The following XXYLT1 variants were observed in gnomAD, a reference collection of about 807,000 sequenced individuals.
The protein encoded by XXYLT1 is xyloside xylosyltransferase 1.
XXYLT1 carries 20 observed loss-of-function variants against 28.9 expected under a neutral mutation model. That is an observed-to-expected ratio of 0.69 (90% CI 0.49 to 1.00). The LOEUF is 1.00. Ranked by LOEUF, XXYLT1 falls within the 50% of genes least tolerant of loss-of-function variation. XXYLT1 has a pLI of 0.00. For missense variants in XXYLT1, 542 were observed against 560.1 expected (o/e 0.97, Z 0.33); for synonymous variants, 257 against 253.8 (o/e 1.01, Z -0.12).
rs1225741481 is a variant in XXYLT1, at chr3:195,124,610, G to C, written c.785+31839C>G. ...GCACAGTGTCTGGTAAGCAGGCAGT[G>C]CTCAGGAAATATTTGCTGACAGACT... On this transcript the variant is annotated intron_variant, in intron 3 of 3. Transcript: ENST00000310380. This position sits in a 1 kb window ranked among gnomAD's most constrained non-coding sequence, Gnocchi z 4.1. 6.6e-6 allele frequency among the ~76,000 whole-genome samples: 1 copy of C among 152,224 alleles called. No homozygotes were observed. Among genetic ancestry groups the C allele is most frequent in the Non-Finnish European group, 1.5e-5 (1 of 68,026 alleles).
At chr3:195,159,597 T>C (rs1055171218) in intron 2 of XXYLT1, among the ~76,000 whole-genome samples, 17 of 152,104 alleles carry the variant, frequency 1.1e-4, no homozygotes, top group Non-Finnish European at 2.5e-4. Flanking sequence ...GACAAGTGAG[T>C]ACAAGCTAAA....
intron 3 of XXYLT1, among the ~76,000 whole-genome samples, chr3:195,126,057 G>A (rs79231102): frequency 0.039 from 6,014 of 152,294 alleles, 187 homozygotes; most frequent in East Asian, 0.15. Context: ...AGTGACCTAC[G>A]CCCAAATCAC....
intron 2 of XXYLT1, among the ~76,000 whole-genome samples, chr3:195,158,692 G>A (rs1720724329): frequency 6.6e-6 from 1 of 152,246 alleles, no homozygotes; most frequent in Non-Finnish European, 1.5e-5. Context: ...TGAGATGGGA[G>A]GCCACTCCTT....
At chr3:195,200,592 A>G (rs1722810553) in intron 2 of XXYLT1, among the ~76,000 whole-genome samples, 1 of 152,168 alleles carries the variant, frequency 6.6e-6, no homozygotes, top group Non-Finnish European at 1.5e-5. Flanking sequence ...ACCAGGGTTC[A>G]CTGACCTACA....
intron 3 of XXYLT1, among the ~76,000 whole-genome samples, chr3:195,137,271 T>C (rs1719248697): frequency 6.6e-6 from 1 of 152,222 alleles, no homozygotes; most frequent in African/African-American, 2.4e-5. Context: ...TTTGAGATGC[T>C]TTAATAATGG....
Position 195,226,722 on chromosome 3 carries a change from C to A in XXYLT1, c.639G>T (p.Gln213His). Residue 213 changes from glutamine (Q) to histidine (H), a missense_variant, in exon 2 of 4, where the codon CAG becomes CAT. Gln to His is a conservative substitution (Grantham distance 24, BLOSUM62 0). Transcript: ENST00000310380. ...SIFFLSVAMH[Q>H]IMPKEILQII... ...AGCCCAGGTTACCTTTGGGCATGAT[C>A]TGATGCATGGCGACCGAGAGGAAGA... The A allele has an allele frequency of 6.2e-7, 1 of 1,613,284 alleles. No homozygotes were observed.
intron 3 of XXYLT1, among the ~76,000 whole-genome samples, chr3:195,105,804 C>T (rs2108682998): frequency 6.6e-6 from 1 of 152,324 alleles, no homozygotes; most frequent in African/African-American, 2.4e-5. Context: ...TGTGAGGAAA[C>T]CATGGTATTA....
rs192523404 is a variant in XXYLT1, at chr3:195,151,173, G to A, written c.785+5276C>T. On this transcript the variant is annotated intron_variant, in intron 3 of 3. Transcript: ENST00000310380. ...TAGGAGAGCCAGATCACCTGCTGCT[G>A]CTAAAAAGGGAAGTTTTACAATCGT... 3.5e-4 allele frequency among the ~76,000 whole-genome samples: 53 copies of A among 152,226 alleles called. 1 individual carries two copies. Among genetic ancestry groups the A allele is most frequent in the Admixed American group, 3.2e-3 (49 of 15,294 alleles).
intron 2 of XXYLT1, among the ~76,000 whole-genome samples, chr3:195,206,118 G>C (rs533100454): frequency 6.8e-6 from 1 of 147,680 alleles, no homozygotes; most frequent in East Asian, 2.0e-4. Flanking sequence ...TCTGCCTCCC[G>C]GGTTCACACC....
chr3:195,229,243 ATTT>A (rs963177978), intron 1 of XXYLT1, among the ~76,000 whole-genome samples: 6 of 151,830 alleles, frequency 4.0e-5, no homozygotes, highest in Non-Finnish European at 8.8e-5. Flanking sequence ...CTTTGTTACT[ATTT>A]TTTTATTTTT....
At chr3:195,152,723 T>C (rs1720345061) in intron 3 of XXYLT1, 1 of 152,172 alleles carries the variant, frequency 6.6e-6, no homozygotes, top group South Asian at 2.1e-4. Context: ...GCCATAAAAA[T>C]GACTTAAAAT....
intron 3 of XXYLT1, among the ~76,000 whole-genome samples, chr3:195,074,793 G>A (rs1223491827): frequency 6.6e-6 from 1 of 152,228 alleles, no homozygotes. Context: ...TCAAACTGGA[G>A]AAGACATGGA....
In XXYLT1 at chr3:195,232,997, T is replaced by C. The variant is rs561478570; in HGVS notation, c.505-6141A>G. 2.6e-5 allele frequency among the ~76,000 whole-genome samples: 4 copies of C among 152,338 alleles called. No individual in the cohort carries two copies. In the South Asian group the frequency reaches 8.3e-4, roughly 32 times the overall value. ...GGGGTGTTGAGGTCTCCAGCTATCA[T>C]TGTATTGGGGTCTATCTCCATCTTT... On this transcript the variant is annotated intron_variant, in intron 1 of 3. Transcript: ENST00000310380.
chr3:195,240,101 G>T lies in XXYLT1; in HGVS notation c.505-13245C>A, dbSNP rs963352133. On this transcript the variant is annotated intron_variant, in intron 1 of 3. Transcript: ENST00000310380. The surrounding 1 kb of genome is among the most constrained non-coding windows in gnomAD (Gnocchi z 4.7). ...AGTAATGACTGAGCTTTCTTTTCAG[G>T]CAAAGGTGTCCTCAAACAGTACTTT... Among the ~76,000 whole-genome samples the T allele has an allele frequency of 1.3e-5, 2 of 152,126 alleles. No homozygotes were observed. The highest frequency in any genetic ancestry group is 2.4e-5 in the African/African-American group (1 of 41,412).
chr3:195,233,826 A>G (rs1185267318), intron 1 of XXYLT1, among the ~76,000 whole-genome samples: 1 of 152,252 alleles, frequency 6.6e-6, no homozygotes, highest in Non-Finnish European at 1.5e-5. Context: ...TCTCTGCACC[A>G]TTACCAGTGA....
chr3:195,208,818 T>A (rs1456317161), intron 2 of XXYLT1, among the ~76,000 whole-genome samples: 3 of 151,990 alleles, frequency 2.0e-5, no homozygotes, highest in Non-Finnish European at 4.4e-5. Context: ...ACAAAGAGCG[T>A]CCAGAGTCCC....
At chr3:195,191,356 G>A (rs1199657867) in intron 2 of XXYLT1, among the ~76,000 whole-genome samples, 1 of 152,046 alleles carries the variant, frequency 6.6e-6, no homozygotes, top group African/African-American at 2.4e-5. Flanking sequence ...ATGATGATCT[G>A]CTTCTACTTA....
intron 3 of XXYLT1, among the ~76,000 whole-genome samples, chr3:195,122,947 C>A (rs1718440020): frequency 6.6e-6 from 1 of 152,170 alleles, no homozygotes; most frequent in Admixed American, 6.5e-5. Context: ...GGAGCCCGGG[C>A]ACTGGCCTGG....
chr3:195,131,909 T>C (rs1325172806), intron 3 of XXYLT1, among the ~76,000 whole-genome samples: 2 of 152,222 alleles, frequency 1.3e-5, no homozygotes, highest in Non-Finnish European at 2.9e-5. Flanking sequence ...TGTCTATCCC[T>C]GAGGGCCTCA....
Sources: allele counts gnomAD v4.1 joint callset (sites outside exome capture counted in the v4.1 genomes callset), GRCh38; gene constraint gnomAD v4.1.1; non-coding constraint Gnocchi (gnomAD v3.1); transcripts MANE v1.5; gene names NCBI Gene and HGNC (gene_info 2026-07-23, HGNC 2026-07-21).